The following DLGAP2 variants were observed in gnomAD, a reference collection of about 807,000 sequenced individuals.
DLGAP2 encodes DLG associated protein 2.
A neutral mutation model predicts 100.3 loss-of-function variants in DLGAP2; 26 were observed. That is an observed-to-expected ratio of 0.26 (90% CI 0.19 to 0.36). DLGAP2 has a LOEUF of 0.36. Ranked by LOEUF, DLGAP2 falls within the 10% of genes least tolerant of loss-of-function variation. The probability of loss-of-function intolerance (pLI) is 1.00; values close to 1 mark genes in which losing one functional copy is unlikely to be tolerated. For missense variants in DLGAP2, 1,858 were observed against 1,453.2 expected (o/e 1.28, Z -4.53); for synonymous variants, 886 against 630.1 (o/e 1.41, Z -6.08).
At chr8:1,633,291 A>G (rs948421807) in intron 8 of DLGAP2, among the ~76,000 whole-genome samples, 2 of 147,990 alleles carry the variant, frequency 1.4e-5, no homozygotes, top group African/African-American at 2.6e-5. Context: ...AATCAAGTGT[A>G]ACTTGTGTAA....
intron 2 of DLGAP2, among the ~76,000 whole-genome samples, chr8:945,271 A>G (rs765331954): frequency 4.1e-4 from 63 of 152,218 alleles, no homozygotes; most frequent in African/African-American, 1.4e-3. Context: ...ACTCCTGTCT[A>G]TGTCCTCCCT....
At chr8:780,881 T>G (rs1014039622) in intron 1 of DLGAP2, among the ~76,000 whole-genome samples, 1 of 152,162 alleles carries the variant, frequency 6.6e-6, no homozygotes, top group African/African-American at 2.4e-5. Flanking sequence ...GGAATCCCCC[T>G]GTACCAGAGT....
chr8:1,646,053 T>C (rs1264024226), intron 8 of DLGAP2, among the ~76,000 whole-genome samples: 1 of 152,184 alleles, frequency 6.6e-6, no homozygotes, highest in Non-Finnish European at 1.5e-5. Context: ...GACTGGGCCA[T>C]GGAGTGCCCA....
rs2130894571 is a variant in DLGAP2 at position 1,701,519 on chromosome 8, C to T, written c.*113C>T. 1 of 1,141,436 alleles carries T rather than the reference C, an allele frequency of 8.8e-7. No individual in the cohort carries two copies. The highest frequency in any genetic ancestry group is 1.2e-6 in the Non-Finnish European group (1 of 829,446). 70.7% of individuals were successfully genotyped at this position (1,141,436 alleles called of 1,614,324 possible). ...CCTCCCGCTGAACACGTCCTCGCTC[C>T]CGCGCTCCCCGCGCCCCGGACACAG... On this transcript the variant is annotated 3_prime_UTR_variant, in exon 15 of 15. Transcript: ENST00000637795.
chr8:866,923 C>T (rs574968352), intron 1 of DLGAP2, among the ~76,000 whole-genome samples: 72 of 152,258 alleles, frequency 4.7e-4, no homozygotes, highest in African/African-American at 1.7e-3. Flanking sequence ...AAGCCACGTT[C>T]CCAGGGTCTG....
At chr8:1,293,833 C>G (rs1057359496) in intron 3 of DLGAP2, among the ~76,000 whole-genome samples, 1 of 117,452 alleles carries the variant, frequency 8.5e-6, no homozygotes, top group Non-Finnish European at 2.0e-5. Flanking sequence ...GTATTTCTTT[C>G]TATCTGTTAT....
intron 2 of DLGAP2, among the ~76,000 whole-genome samples, chr8:1,107,662 A>G (rs545976101): frequency 1.3e-5 from 2 of 152,220 alleles, no homozygotes; most frequent in African/African-American, 4.8e-5. Context: ...CTGAGGCTTT[A>G]TTTCCCCTGC....
At chr8:1,563,944 A>C (rs974370796) in intron 5 of DLGAP2, among the ~76,000 whole-genome samples, 1 of 152,180 alleles carries the variant, frequency 6.6e-6, no homozygotes, top group South Asian at 2.1e-4. Context: ...AAGGAAAAAA[A>C]ATACCCTGTC....
chr8:1,357,944 C>T (rs1361532992), intron 3 of DLGAP2, among the ~76,000 whole-genome samples: 1 of 152,138 alleles, frequency 6.6e-6, no homozygotes, highest in Non-Finnish European at 1.5e-5. Context: ...GTGTTTCTGG[C>T]TCCTTTACTG....
chr8:1,043,209 G>C (rs1241702276), intron 2 of DLGAP2, among the ~76,000 whole-genome samples: 1 of 118,016 alleles, frequency 8.5e-6, no homozygotes, highest in Non-Finnish European at 1.9e-5. Context: ...GGATGCGGGT[G>C]GTGGGTGTGG....
intron 4 of DLGAP2, among the ~76,000 whole-genome samples, chr8:1,507,613 G>A (rs1319616612): frequency 1.3e-5 from 2 of 152,182 alleles, no homozygotes; most frequent in Admixed American, 1.3e-4. Flanking sequence ...TGGGCGCCGA[G>A]GCGGAGGAGG....
chr8:801,825 C>T (rs1332931564), intron 1 of DLGAP2, among the ~76,000 whole-genome samples: 1 of 152,148 alleles, frequency 6.6e-6, no homozygotes, highest in Admixed American at 6.5e-5. Flanking sequence ...TGGCTCACTG[C>T]CCTTGCTCGC....
intron 2 of DLGAP2, among the ~76,000 whole-genome samples, chr8:1,004,688 G>C (rs1164387583): frequency 6.6e-6 from 1 of 152,166 alleles, no homozygotes; most frequent in Admixed American, 6.5e-5. Context: ...TCTTAGGAAG[G>C]TGGGAGTGTC....
chr8:812,774 G>A (rs1796395738), intron 1 of DLGAP2, among the ~76,000 whole-genome samples: 1 of 152,184 alleles, frequency 6.6e-6, no homozygotes, highest in African/African-American at 2.4e-5. Flanking sequence ...TGTTTAAATG[G>A]GGTTGAGAAA....
chr8:852,810 C>T (rs1486455754), intron 1 of DLGAP2, among the ~76,000 whole-genome samples: 2 of 152,208 alleles, frequency 1.3e-5, no homozygotes, highest in East Asian at 1.9e-4. Flanking sequence ...TGAATGACAA[C>T]GTCCTTGATG....
chr8:910,923 G>T (rs1371602369), intron 2 of DLGAP2, among the ~76,000 whole-genome samples: 1 of 152,156 alleles, frequency 6.6e-6, no homozygotes, highest in Admixed American at 6.5e-5. Flanking sequence ...GCTGAAGGCG[G>T]GCCCACTTGC....
At chr8:911,744 C>T (rs1003202884) in intron 2 of DLGAP2, among the ~76,000 whole-genome samples, 1 of 148,624 alleles carries the variant, frequency 6.7e-6, no homozygotes, top group Non-Finnish European at 1.5e-5. Flanking sequence ...TGGAAGGATG[C>T]TGGAGAATGT....
At position 1,023,462 on chromosome 8, in the gene DLGAP2, C is replaced by T. The variant is rs550088110; in HGVS notation, c.73+115496C>T. On this transcript the variant is annotated intron_variant, in intron 2 of 14. Coordinates refer to ENST00000637795, the MANE Select transcript of DLGAP2 (RefSeq NM_001346810.2). ...CCCATGACCTGAGCCTCCCCTGTAG[C>T]GGGCACTGTAGTTGCACACCGCAGC... Among the ~76,000 whole-genome samples the T allele has an allele frequency of 2.4e-4, 36 of 152,284 alleles. 1 individual carries two copies. The South Asian group carries it at 7.3e-3, about 31-fold the overall frequency.
intron 1 of DLGAP2, among the ~76,000 whole-genome samples, chr8:875,799 T>A (rs1271994106): frequency 6.6e-6 from 1 of 152,196 alleles, no homozygotes; most frequent in Non-Finnish European, 1.5e-5. Context: ...TTTTGAGTCA[T>A]TTATTTCGTG....
Sources: allele counts gnomAD v4.1 joint callset (sites outside exome capture counted in the v4.1 genomes callset), GRCh38; gene constraint gnomAD v4.1.1; transcripts MANE v1.5; gene names NCBI Gene and HGNC (gene_info 2026-07-23, HGNC 2026-07-21).